Variants in TSNARE1 observed in about 807,000 individuals in gnomAD.
The protein encoded by TSNARE1 is t-SNARE domain containing 1, also known as t-SNARE domain-containing protein 1.
TSNARE1 carries 49 observed loss-of-function variants against 62.0 expected under a neutral mutation model. That is an observed-to-expected ratio of 0.79 (90% CI 0.63 to 1.00). The LOEUF (loss-of-function observed/expected upper bound fraction) is 1.00. Ranked by LOEUF, TSNARE1 falls within the 50% of genes least tolerant of loss-of-function variation. TSNARE1 has a pLI of 0.00. For synonymous variants in TSNARE1, 328 were observed against 294.4 expected, an observed-to-expected ratio of 1.11 and a Z score of -1.17; for missense variants, 755 against 700.1, an observed-to-expected ratio of 1.08 and a Z score of -0.88.
chr8:142,312,249 G>C (rs1369055224), intron 9 of TSNARE1, among the ~76,000 whole-genome samples: 1 of 152,188 alleles, frequency 6.6e-6, no homozygotes, highest in Non-Finnish European at 1.5e-5. Flanking sequence ...CCTATAAGCT[G>C]AGTGTCCAAC....
intron 1 of TSNARE1, among the ~76,000 whole-genome samples, chr8:142,392,025 A>AT (rs1260515793): frequency 1.3e-5 from 2 of 152,044 alleles, no homozygotes; most frequent in Admixed American, 6.6e-5. Context: ...TTTGCAGTTC[A>AT]TTTTTTTCTT....
chr8:142,256,181 CCACCACCA>C (rs1563782283), intron 12 of TSNARE1, among the ~76,000 whole-genome samples: 4 of 134,820 alleles, frequency 3.0e-5, no homozygotes, highest in Non-Finnish European at 4.9e-5. Context: ...ATCACCATCA[CCACCACCA>C]TCATCACCAC....
chr8:142,339,037 C>T (rs946215111), intron 4 of TSNARE1, among the ~76,000 whole-genome samples: 11 of 152,122 alleles, frequency 7.2e-5, no homozygotes, highest in African/African-American at 2.7e-4. Flanking sequence ...CTGGGAGGAC[C>T]CTTCTTGCCC....
intron 1 of TSNARE1, among the ~76,000 whole-genome samples, chr8:142,400,258 A>G (rs1308432456): frequency 2.0e-5 from 3 of 151,992 alleles, no homozygotes; most frequent in African/African-American, 7.3e-5. Context: ...CAGCCTAGCC[A>G]ACATGGTGAA....
chr8:142,396,845 G>C (rs1033873377), intron 1 of TSNARE1, among the ~76,000 whole-genome samples: 1 of 152,224 alleles, frequency 6.6e-6, no homozygotes, highest in Non-Finnish European at 1.5e-5. Flanking sequence ...AAAAGCAGGA[G>C]GTGTTGTTAT....
At chr8:142,307,109 C>G (rs1330873042) in intron 9 of TSNARE1, among the ~76,000 whole-genome samples, 1 of 152,230 alleles carries the variant, frequency 6.6e-6, no homozygotes, top group African/African-American at 2.4e-5. Flanking sequence ...ATGTCCGAGG[C>G]ATCACTGGTG....
chr8:142,373,101 T>C (rs545018349), intron 1 of TSNARE1, among the ~76,000 whole-genome samples: 3 of 151,782 alleles, frequency 2.0e-5, no homozygotes, highest in Non-Finnish European at 4.4e-5. Flanking sequence ...TCTCGGACTG[T>C]GTCTGTGTCT....
chr8:142,389,211 A>G (rs1837312461), intron 1 of TSNARE1, among the ~76,000 whole-genome samples: 1 of 152,240 alleles, frequency 6.6e-6, no homozygotes, highest in South Asian at 2.1e-4. Context: ...CAGAAGAATA[A>G]CAGTGGACAC....
At chr8:142,394,653 T>C (rs1485678299) in intron 1 of TSNARE1, among the ~76,000 whole-genome samples, 1 of 152,218 alleles carries the variant, frequency 6.6e-6, no homozygotes, top group East Asian at 1.9e-4. Flanking sequence ...GCTTGCTTCA[T>C]GGTCTTGGGA....
chr8:142,380,715 G>A (rs369653542), intron 1 of TSNARE1, among the ~76,000 whole-genome samples: 14 of 152,152 alleles, frequency 9.2e-5, no homozygotes, highest in Admixed American at 1.3e-4. Context: ...TAAAATACCC[G>A]TAACGGAAAA....
chr8:142,384,680 T>C (rs1836993821), intron 1 of TSNARE1, among the ~76,000 whole-genome samples: 2 of 152,082 alleles, frequency 1.3e-5, no homozygotes, highest in South Asian at 4.1e-4. Context: ...AAAATTATCG[T>C]GAAATGTATC....
In TSNARE1 at chr8:142,330,887, GC is replaced by G. The variant is rs773472573; in HGVS notation, c.893+13del. 5.6e-6 allele frequency: 9 copies of G among 1,613,806 alleles called. No individual in the cohort carries two copies. The highest frequency in any genetic ancestry group is 6.8e-6 in the Non-Finnish European group (8 of 1,179,796). ...CACGCCCAGGCAAAGAGATACCATG[GC>G]CCACACACTCACAGGCTGTCCCGAA... On this transcript the variant is annotated intron_variant, in intron 6 of 13. Coordinates refer to ENST00000524325, the MANE Select transcript of TSNARE1 (RefSeq NM_145003.5).
intron 12 of TSNARE1, chr8:142,273,747 C>CTG: frequency 1.0e-6 from 1 of 985,452 alleles, no homozygotes; most frequent in Non-Finnish European, 1.2e-6. Context: ...CAAGGCAGCC[C>CTG]TGGCCTTTCC....
At chr8:142,263,566 T>C (rs552506338) in intron 12 of TSNARE1, among the ~76,000 whole-genome samples, 140 of 152,346 alleles carry the variant, frequency 9.2e-4, no homozygotes, top group African/African-American at 3.2e-3. Flanking sequence ...GGAAGGTTTG[T>C]GTAAGACTGG....
chr8:142,305,203 G>A (rs565231631), intron 9 of TSNARE1, among the ~76,000 whole-genome samples: 10 of 152,312 alleles, frequency 6.6e-5, no homozygotes, highest in African/African-American at 2.4e-4. Context: ...CCCTGGACTT[G>A]GGGGTTTCAG....
intron 11 of TSNARE1, chr8:142,278,117 C>G (rs1820794954): frequency 2.0e-6 from 2 of 985,278 alleles, no homozygotes; most frequent in African/African-American, 1.7e-5. Flanking sequence ...GCCCACTGAC[C>G]AGGCCCATCC....
chr8:142,372,890 C>A (rs144647516), intron 1 of TSNARE1, among the ~76,000 whole-genome samples: 129 of 152,220 alleles, frequency 8.5e-4, no homozygotes, highest in African/African-American at 2.9e-3. Flanking sequence ...GCCACCCCAC[C>A]AGTGCTGTTT....
At chr8:142,373,681 G>C (rs972340732) in intron 1 of TSNARE1, among the ~76,000 whole-genome samples, 1 of 149,776 alleles carries the variant, frequency 6.7e-6, no homozygotes, top group Admixed American at 6.7e-5. Flanking sequence ...GAGAAAGTGA[G>C]TCAGGCAAGG....
chr8:142,308,479 G>A (rs2131483632), intron 9 of TSNARE1, among the ~76,000 whole-genome samples: 1 of 152,248 alleles, frequency 6.6e-6, no homozygotes, highest in Non-Finnish European at 1.5e-5. Context: ...TCCCGTGGCA[G>A]GGCAGTCCAC....
Sources: allele counts gnomAD v4.1 joint callset (sites outside exome capture counted in the v4.1 genomes callset), GRCh38; gene constraint gnomAD v4.1.1; transcripts MANE v1.5; gene names NCBI Gene and HGNC (gene_info 2026-07-23, HGNC 2026-07-21).